Variants in GNAO1 observed in about 807,000 individuals in gnomAD.
GNAO1 encodes the protein G protein subunit alpha o1, also known as guanine nucleotide-binding protein G(o) subunit alpha.
For synonymous variants in GNAO1, 164 were observed against 180.7 expected, an observed-to-expected ratio of 0.91 and a Z score of 0.74; for missense variants, 166 against 478.7, an observed-to-expected ratio of 0.35 and a Z score of 6.10.
intron 4 of GNAO1, among the ~76,000 whole-genome samples, chr16:56,332,311 C>A (rs946699270): frequency 1.3e-5 from 2 of 152,190 alleles, no homozygotes; most frequent in Non-Finnish European, 2.9e-5. Context: ...CACCACCTGG[C>A]CCCTCCACGT....
At position 56,326,020 on chromosome 16, in the gene GNAO1, C is replaced by T. The variant is rs1567484496; in HGVS notation, c.304-2611C>T. On this transcript the variant is annotated intron_variant, in intron 3 of 8. Transcript: ENST00000262493. This position sits in a 1 kb window ranked among gnomAD's most constrained non-coding sequence, Gnocchi z 4.8. ...CAGCCACCTCCTCCACTCATCGACC[C>T]TCTTCCTTGCCTTGGCATCCCACAC... Among the ~76,000 whole-genome samples the T allele has an allele frequency of 6.6e-6, 1 of 152,246 alleles. No individual in the cohort carries two copies. The highest frequency in any genetic ancestry group is 1.9e-4 in the East Asian group (1 of 5,198).
At chr16:56,345,993 G>A in intron 6 of GNAO1, 1 of 985,206 alleles carries the variant, frequency 1.0e-6, no homozygotes, top group Non-Finnish European at 1.2e-6. Flanking sequence ...CTGGGTCCAG[G>A]CCTCCAATCC....
chr16:56,288,863 C>T (rs1291646144), intron 3 of GNAO1, among the ~76,000 whole-genome samples: 3 of 152,166 alleles, frequency 2.0e-5, no homozygotes, highest in African/African-American at 7.2e-5. Context: ...AGGCCCATCC[C>T]TTACCCTACA....
chr16:56,324,512 C>G lies in GNAO1; in HGVS notation c.304-4119C>G, dbSNP rs541967211. Among the ~76,000 whole-genome samples the G allele has an allele frequency of 4.3e-4, 65 of 152,364 alleles. 1 individual carries two copies. In the South Asian group the frequency reaches 0.013, roughly 31 times the overall value. ...AAAGTACCCCAAGATTGCCCGAGGT[C>G]AGCCAGGCGTGAGGAGCAGGATCGC... On this transcript the variant is annotated intron_variant, in intron 3 of 8. Coordinates refer to ENST00000262493, the MANE Select transcript of GNAO1 (RefSeq NM_020988.3).
At chr16:56,215,006 T>A (rs1596800855) in intron 2 of GNAO1, among the ~76,000 whole-genome samples, 1 of 152,204 alleles carries the variant, frequency 6.6e-6, no homozygotes, top group Non-Finnish European at 1.5e-5. Flanking sequence ...CATACCATGG[T>A]GTAGTGCACC....
At chr16:56,335,672 C>T (rs1173785854) in intron 5 of GNAO1, among the ~76,000 whole-genome samples, 1 of 152,220 alleles carries the variant, frequency 6.6e-6, no homozygotes, top group Non-Finnish European at 1.5e-5. Flanking sequence ...TTGGGCAGAG[C>T]AGCCCTGAGG....
chr16:56,220,845 T>A lies in GNAO1; in HGVS notation c.161+28229T>A, dbSNP rs551983430. 3.3e-5 allele frequency among the ~76,000 whole-genome samples: 5 copies of A among 152,202 alleles called. No individual in the cohort carries two copies. The South Asian group carries it at 1.0e-3, about 32-fold the overall frequency. On this transcript the variant is annotated intron_variant, in intron 2 of 8. Transcript: ENST00000262493. ...TCACTGCAACCTCTGCTGCCCGGGT[T>A]CAAGCAATTCTTCTGCCTCAGCCAC...
At chr16:56,344,113 C>G (rs900089270) in intron 6 of GNAO1, 23 of 1,450,320 alleles carry the variant, frequency 1.6e-5, no homozygotes, top group Non-Finnish European at 1.9e-5. Context: ...CCCGCACCCC[C>G]CAACAGAACT....
intron 6 of GNAO1, chr16:56,347,186 A>G (rs2037877851): frequency 2.0e-6 from 2 of 985,426 alleles, no homozygotes; most frequent in South Asian, 4.7e-5. Flanking sequence ...TCTGGGGCAC[A>G]GAGCCTCCTC....
chr16:56,237,370 C>T (rs2036647863), intron 2 of GNAO1, among the ~76,000 whole-genome samples: 1 of 152,146 alleles, frequency 6.6e-6, no homozygotes, highest in African/African-American at 2.4e-5. Context: ...TGAACCCCTC[C>T]TCTTGTAGGG....
chr16:56,215,616 T>A (rs1316106472), intron 2 of GNAO1, among the ~76,000 whole-genome samples: 1 of 152,216 alleles, frequency 6.6e-6, no homozygotes, highest in African/African-American at 2.4e-5. Context: ...TTGCTATATG[T>A]ACGTTTGGTT....
intron 3 of GNAO1, among the ~76,000 whole-genome samples, chr16:56,308,548 G>A (rs1309121290): frequency 2.0e-5 from 3 of 152,166 alleles, no homozygotes; most frequent in Non-Finnish European, 4.4e-5. Flanking sequence ...GGTTAGGTAG[G>A]GGTAATCCAG....
intron 2 of GNAO1, among the ~76,000 whole-genome samples, chr16:56,241,694 T>C (rs1258163934): frequency 1.3e-5 from 2 of 152,190 alleles, no homozygotes; most frequent in African/African-American, 4.8e-5. Context: ...TGGCCAAAAA[T>C]CATGAGGGTA....
At chr16:56,227,999 G>A (rs759818363) in intron 2 of GNAO1, among the ~76,000 whole-genome samples, 2 of 152,138 alleles carry the variant, frequency 1.3e-5, no homozygotes, top group Admixed American at 6.5e-5. Context: ...CCCTTGGACC[G>A]AGAAGCCTCC....
chr16:56,259,085 G>A (rs1048465501), intron 2 of GNAO1, among the ~76,000 whole-genome samples: 1 of 152,364 alleles, frequency 6.6e-6, no homozygotes, highest in Admixed American at 6.5e-5. Flanking sequence ...GTGGGCGTCA[G>A]CAAGTCCATG....
intron 2 of GNAO1, 150 bp from the exon 3 acceptor site, chr16:56,275,781 T>G: frequency 1.9e-6 from 1 of 524,936 alleles, no homozygotes; most frequent in South Asian, 6.7e-5. Context: ...GCTTTTTCCT[T>G]TAGATTTTAT....
chr16:56,336,776 C>A lies in GNAO1; in HGVS notation c.639C>A (p.Ile213=). Residue 213 remains isoleucine, a synonymous_variant, in exon 6 of 9, where the codon ATC becomes ATA. Transcript: ENST00000262493. The part of the protein sequence containing the change: ...GGQRSERKKW[I]HCFEDVTAII... ...AGCGATCTGAACGCAAGAAGTGGATCCATTGCTTCGAGGACGTCACGGCCA... is the reference window on the plus strand; with the variant it reads ...AGCGATCTGAACGCAAGAAGTGGATACATTGCTTCGAGGACGTCACGGCCA... 5 of 1,613,630 alleles carry A rather than the reference C, an allele frequency of 3.1e-6. No homozygotes were observed. The highest frequency in any genetic ancestry group is 4.2e-6 in the Non-Finnish European group (5 of 1,179,830).
chr16:56,263,095 G>A (rs962633485), intron 2 of GNAO1, among the ~76,000 whole-genome samples: 1 of 152,220 alleles, frequency 6.6e-6, no homozygotes, highest in South Asian at 2.1e-4. Context: ...GAGGGAGCGA[G>A]TCTAGTTACA....
intron 3 of GNAO1, among the ~76,000 whole-genome samples, chr16:56,323,612 C>A (rs1180586889): frequency 1.3e-5 from 2 of 151,796 alleles, no homozygotes; most frequent in Non-Finnish European, 2.9e-5. Flanking sequence ...CTTCAGCTTA[C>A]CTTTCTTTGT....
Sources: allele counts gnomAD v4.1 joint callset (sites outside exome capture counted in the v4.1 genomes callset), GRCh38; gene constraint gnomAD v4.1.1; non-coding constraint Gnocchi (gnomAD v3.1); transcripts MANE v1.5; gene names NCBI Gene and HGNC (gene_info 2026-07-23, HGNC 2026-07-21).